The following PDE8B variants were observed in gnomAD, a reference collection of about 807,000 sequenced individuals.
The protein encoded by PDE8B is high affinity cAMP-specific and IBMX-insensitive 3',5'-cyclic phosphodiesterase 8B.
A neutral mutation model predicts 101.3 loss-of-function variants in PDE8B; 26 were observed. That is an observed-to-expected ratio of 0.26 (90% CI 0.19 to 0.36). PDE8B has a LOEUF of 0.36. Among genes scored for constraint, PDE8B ranks in the 10% least tolerant of loss-of-function variants. The probability of loss-of-function intolerance (pLI) is 1.00; values close to 1 mark genes in which losing one functional copy is unlikely to be tolerated. For synonymous variants in PDE8B, 424 were observed against 429.3 expected, an observed-to-expected ratio of 0.99 and a Z score of 0.15; for missense variants, 810 against 1,163.1, an observed-to-expected ratio of 0.70 and a Z score of 4.42.
intron 2 of PDE8B, among the ~76,000 whole-genome samples, chr5:77,316,934 A>G (rs1773888306): frequency 6.6e-6 from 1 of 152,202 alleles, no homozygotes; most frequent in Non-Finnish European, 1.5e-5. Flanking sequence ...CACAATAATT[A>G]AGGGTTTCTT....
chr5:77,400,414 C>T, intron 11 of PDE8B, 124 bp downstream of exon 11: 4 of 737,286 alleles, frequency 5.4e-6, no homozygotes, highest in Non-Finnish European at 9.9e-6. Flanking sequence ...CTAAAATCCA[C>T]GTGCTCATAT....
the PDE8B span, among the ~76,000 whole-genome samples, chr5:77,131,595 G>A: frequency 6.6e-5 from 10 of 152,154 alleles, no homozygotes; most frequent in African/African-American, 1.9e-4. Context: ...ATACTTACCC[G>A]GGATGAATTC....
At chr5:77,093,602 T>C in the PDE8B span, among the ~76,000 whole-genome samples, 1 of 152,216 alleles carries the variant, frequency 6.6e-6, no homozygotes, top group African/African-American at 2.4e-5. Flanking sequence ...TGAGATGTCT[T>C]TGGTGTTGGG....
intron 7 of PDE8B, among the ~76,000 whole-genome samples, chr5:77,345,951 C>T (rs552603160): frequency 7.2e-5 from 11 of 152,270 alleles, no homozygotes; most frequent in Non-Finnish European, 1.3e-4. Flanking sequence ...AATAGCCCAC[C>T]CTGCCTAGGC....
the PDE8B span, chr5:77,112,648 G>A: frequency 6.6e-6 from 1 of 152,180 alleles, no homozygotes; most frequent in Non-Finnish European, 1.5e-5. Context: ...ATTCAACATA[G>A]TCTTGGAAGT....
intron 10 of PDE8B, among the ~76,000 whole-genome samples, chr5:77,377,093 A>G (rs1182846483): frequency 3.9e-5 from 6 of 152,112 alleles, no homozygotes; most frequent in Non-Finnish European, 8.8e-5. Context: ...TGGAGGACTG[A>G]CAGCATAAAA....
At chr5:77,287,918 G>C in intron 1 of PDE8B, among the ~76,000 whole-genome samples, 1 of 152,198 alleles carries the variant, frequency 6.6e-6, no homozygotes, top group Non-Finnish European at 1.5e-5. Context: ...GATCTTCCAC[G>C]TGTCTGTTTA....
At chr5:77,279,561 T>C (rs1471363955) in intron 1 of PDE8B, among the ~76,000 whole-genome samples, 1 of 152,252 alleles carries the variant, frequency 6.6e-6, no homozygotes, top group African/African-American at 2.4e-5. Flanking sequence ...GACTTCAGGT[T>C]ATATGCTGTG....
chr5:77,187,194 C>T, the PDE8B span, among the ~76,000 whole-genome samples: 1 of 152,154 alleles, frequency 6.6e-6, no homozygotes, highest in Non-Finnish European at 1.5e-5. Flanking sequence ...TTGGCCTTGA[C>T]ACAAAAGTTA....
At chr5:77,311,039 T>C (rs1213890725) in intron 1 of PDE8B, among the ~76,000 whole-genome samples, 2 of 152,114 alleles carry the variant, frequency 1.3e-5, no homozygotes, top group East Asian at 3.9e-4. Flanking sequence ...TCTCTGGTTG[T>C]GTAAATGCTG....
At chr5:77,380,429 A>G (rs189435904) in intron 10 of PDE8B, among the ~76,000 whole-genome samples, 164 of 152,344 alleles carry the variant, frequency 1.1e-3, no homozygotes, top group Non-Finnish European at 2.1e-3. Context: ...CACCTTCACA[A>G]CAACTCTTTG....
At chr5:77,262,155 G>T (rs884162) in intron 1 of PDE8B, among the ~76,000 whole-genome samples, 1 of 151,840 alleles carries the variant, frequency 6.6e-6, no homozygotes. Context: ...AAGATCCTGC[G>T]TATGGGAACA....
At chr5:77,106,385 A>AT in the PDE8B span, 20 of 152,192 alleles carry the variant, frequency 1.3e-4, no homozygotes, top group African/African-American at 4.8e-4. Context: ...TTTGCAATGA[A>AT]TGTCCTAGCA....
At chr5:77,363,797 A>G (rs1375763903) in intron 10 of PDE8B, among the ~76,000 whole-genome samples, 1 of 152,044 alleles carries the variant, frequency 6.6e-6, no homozygotes, top group South Asian at 2.1e-4. Flanking sequence ...GAGAGGAGAT[A>G]ATCAAGCATG....
the PDE8B span, among the ~76,000 whole-genome samples, chr5:77,090,419 G>A: frequency 9.2e-5 from 14 of 151,944 alleles, no homozygotes; most frequent in South Asian, 1.5e-3. Flanking sequence ...AACTACAGGC[G>A]CCCGCCACCA....
chr5:77,226,221 A>T (rs1752368793), intron 1 of PDE8B, among the ~76,000 whole-genome samples: 1 of 152,072 alleles, frequency 6.6e-6, no homozygotes, highest in African/African-American at 2.4e-5. Flanking sequence ...AGACATTTAG[A>T]TTTTATCTCT....
At chr5:77,155,321 G>T in the PDE8B span, among the ~76,000 whole-genome samples, 1 of 152,202 alleles carries the variant, frequency 6.6e-6, no homozygotes, top group African/African-American at 2.4e-5. Flanking sequence ...CCGCAGGCAG[G>T]TCCGCCCCAT....
chr5:77,239,268 A>T (rs1442386502), intron 1 of PDE8B, among the ~76,000 whole-genome samples: 1 of 152,220 alleles, frequency 6.6e-6, no homozygotes, highest in Non-Finnish European at 1.5e-5. Context: ...TTTTGTGGTT[A>T]TATCAATTAC....
At chr5:77,117,686 C>G in the PDE8B span, among the ~76,000 whole-genome samples, 2 of 152,098 alleles carry the variant, frequency 1.3e-5, no homozygotes, top group African/African-American at 2.4e-5. Context: ...TATTCAGAAG[C>G]CAGCAGCCAA....
Sources: gnomAD v4.1 joint callset for allele counts (sites outside exome capture counted in the v4.1 genomes callset) on GRCh38, gnomAD v4.1.1 for gene constraint, MANE v1.5 for transcripts, NCBI Gene and HGNC (gene_info 2026-07-23, HGNC 2026-07-21) for gene names.